The following PTPRG variants were observed in gnomAD, a reference collection of about 807,000 sequenced individuals.
PTPRG encodes the protein protein tyrosine phosphatase receptor type G.
A neutral mutation model predicts 165.3 loss-of-function variants in PTPRG; 102 were observed. The ratio of observed to expected loss-of-function variants is 0.62; its 90% confidence interval spans 0.53 to 0.73. The LOEUF (loss-of-function observed/expected upper bound fraction) is 0.73, where lower values mean the gene tolerates loss of function less well. PTPRG is among the 30% of genes least tolerant of loss of function. The probability of loss-of-function intolerance (pLI) is 0.00; values close to 1 mark genes in which losing one functional copy is unlikely to be tolerated. For missense variants in PTPRG, 1,866 were observed against 1,861.4 expected, an observed-to-expected ratio of 1.00 and a Z score of -0.05; for synonymous variants, 675 against 669.5, an observed-to-expected ratio of 1.01 and a Z score of -0.13.
intron 2 of PTPRG, among the ~76,000 whole-genome samples, chr3:61,871,128 A>ATGTTGTGTTGTGTTG (rs796152535): frequency 9.7e-5 from 12 of 123,138 alleles, no homozygotes; most frequent in East Asian, 3.2e-4. Context: ...ATGTTATGTT[A>ATGTTGTGTTGTGTTG]TGTTGTGTTG....
intron 1 of PTPRG, among the ~76,000 whole-genome samples, chr3:61,685,734 TCTTA>T (rs1451557177): frequency 6.6e-6 from 1 of 152,172 alleles, no homozygotes; most frequent in Non-Finnish European, 1.5e-5. Context: ...CCCTATTCTG[TCTTA>T]CTTCTGTCAC....
intron 25 of PTPRG, among the ~76,000 whole-genome samples, chr3:62,277,259 A>C (rs1236546925): frequency 4.6e-5 from 7 of 152,160 alleles, no homozygotes; most frequent in African/African-American, 1.7e-4. Context: ...ATGCTTCTTA[A>C]GGAATTAATT....
At chr3:62,083,607 C>T (rs1353553558) in intron 5 of PTPRG, among the ~76,000 whole-genome samples, 1 of 152,136 alleles carries the variant, frequency 6.6e-6, no homozygotes, top group Non-Finnish European at 1.5e-5. Context: ...AACTGTAATT[C>T]ACAGAACAAT....
At chr3:62,164,134 G>C (rs1454344036) in intron 7 of PTPRG, among the ~76,000 whole-genome samples, 1 of 152,208 alleles carries the variant, frequency 6.6e-6, no homozygotes. Context: ...ACACAACTTT[G>C]TCCGTATGGT....
chr3:62,029,666 C>T (rs746203560), intron 4 of PTPRG, among the ~76,000 whole-genome samples: 3 of 152,144 alleles, frequency 2.0e-5, no homozygotes, highest in African/African-American at 7.2e-5. Flanking sequence ...TTTATTCCAG[C>T]CAGTCATTTC....
In PTPRG at chr3:62,231,236, A is replaced by G; in HGVS notation, c.2300A>G (p.Lys767Arg). ...AVLVYWRGCNKIKSKGFPRRF... is the reference protein window; with the variant it reads ...AVLVYWRGCNRIKSKGFPRRF... ...TTTTGTCCATTTAGAGGGTGTAACA[A>G]AATAAAGTCCAAGGGCTTTCCCAGA... The change falls in exon 14 of 30, where the codon AAA becomes AGA. Residue 767 changes from lysine (K) to arginine (R), a missense_variant. By Grantham distance (26) the Lys-to-Arg change is conservative. Around this residue, in one of 3 missense-constraint regions of PTPRG, gnomAD observed 1,452 missense variants for 1,463.0 expected, o/e 0.99. Transcript: ENST00000474889. 1.3e-6 allele frequency: 2 copies of G among 1,577,012 alleles called. No homozygotes were observed. The highest frequency in any genetic ancestry group is 1.7e-6 in the Non-Finnish European group (2 of 1,161,774).
intron 6 of PTPRG, among the ~76,000 whole-genome samples, chr3:62,139,701 G>A (rs989522308): frequency 4.6e-5 from 7 of 152,196 alleles, no homozygotes; most frequent in Admixed American, 1.3e-4. Context: ...GCTATGACAA[G>A]ATCAAAACTT....
chr3:61,775,627 T>C (rs2034353017), intron 2 of PTPRG, among the ~76,000 whole-genome samples: 1 of 152,148 alleles, frequency 6.6e-6, no homozygotes, highest in Admixed American at 6.5e-5. Flanking sequence ...TTTGTTTCCA[T>C]GTAAAACAAA....
intron 1 of PTPRG, among the ~76,000 whole-genome samples, chr3:61,746,685 G>A (rs759321755): frequency 1.3e-5 from 2 of 152,158 alleles, no homozygotes; most frequent in African/African-American, 4.8e-5. Flanking sequence ...CTGGGGCCAC[G>A]AGAATGGTTA....
At chr3:61,928,764 C>G (rs1480090791) in intron 2 of PTPRG, among the ~76,000 whole-genome samples, 1 of 151,956 alleles carries the variant, frequency 6.6e-6, no homozygotes, top group Non-Finnish European at 1.5e-5. Context: ...AATGTCTTAT[C>G]TCTTTTCAGG....
intron 5 of PTPRG, among the ~76,000 whole-genome samples, chr3:62,112,990 T>G (rs917557368): frequency 2.6e-5 from 4 of 152,166 alleles, no homozygotes; most frequent in Admixed American, 6.5e-5. Flanking sequence ...TCCTGTTGAT[T>G]ATAGAGAATC....
At chr3:61,807,702 A>G (rs948304544) in intron 2 of PTPRG, among the ~76,000 whole-genome samples, 1 of 152,226 alleles carries the variant, frequency 6.6e-6, no homozygotes, top group African/African-American at 2.4e-5. Flanking sequence ...AAATGTGTTC[A>G]TGTAAGGGTA....
At chr3:62,191,317 TAC>T in intron 8 of PTPRG, 150 bp from the exon 9 acceptor site, 1 of 627,080 alleles carries the variant, frequency 1.6e-6, no homozygotes, top group Non-Finnish European at 2.8e-6. Context: ...CCTCTCTCTC[TAC>T]ACACACAATG....
intron 2 of PTPRG, among the ~76,000 whole-genome samples, chr3:61,965,105 G>A (rs1490440766): frequency 4.6e-5 from 7 of 151,996 alleles, no homozygotes; most frequent in Middle Eastern, 3.4e-3. Context: ...TTATCCAGAC[G>A]TGGTGGCATG....
rs577812458 is a variant in PTPRG at position 62,294,265 on chromosome 3, C to T, written c.*958C>T. The T allele has an allele frequency of 6.6e-6, 1 of 152,078 alleles. No homozygotes were observed. Among genetic ancestry groups the T allele is most frequent in the Non-Finnish European group, 1.5e-5 (1 of 68,002 alleles). The allele number at this position is 152,078 out of a possible 1,614,324, so 9.4% of individuals were successfully genotyped here. A position where few individuals can be genotyped will look rare whatever the true frequency, so the allele number is the denominator to read the frequency against. On this transcript the variant is annotated 3_prime_UTR_variant, in exon 30 of 30. Transcript: ENST00000474889. The stretch of plus-strand genomic sequence containing the variant: ...GTCCTCTAAAAATTCCCTATTACTC[C>T]TATAGCAATCTAATAAAAACTACCT...
Position 62,051,095 on chromosome 3 carries a change from T to G in PTPRG, c.520-27068T>G, listed in dbSNP as rs1377457290. 3.3e-5 allele frequency among the ~76,000 whole-genome samples: 5 copies of G among 152,198 alleles called. 1 individual carries two copies. The highest frequency in any genetic ancestry group is 2.6e-4 in the Admixed American group (4 of 15,280). ...TCTTACAGAGTACAGAAAGCCACTT[T>G]CGGGCATAAGTGAGGCATGTCTCCA... On this transcript the variant is annotated intron_variant, in intron 4 of 29. Coordinates refer to ENST00000474889, the MANE Select transcript of PTPRG (RefSeq NM_002841.4).
intron 2 of PTPRG, among the ~76,000 whole-genome samples, chr3:61,773,473 T>C (rs1005464608): frequency 3.3e-5 from 5 of 152,160 alleles, no homozygotes; most frequent in Admixed American, 1.3e-4. Flanking sequence ...GATCGATACA[T>C]GTGGCCAAAA....
At chr3:62,134,167 G>A (rs1249867122) in intron 6 of PTPRG, among the ~76,000 whole-genome samples, 1 of 152,128 alleles carries the variant, frequency 6.6e-6, no homozygotes, top group Non-Finnish European at 1.5e-5. Context: ...AGCAGAGGCT[G>A]CTACATATGG....
intron 4 of PTPRG, among the ~76,000 whole-genome samples, chr3:62,076,551 G>A (rs1701392223): frequency 6.6e-6 from 1 of 151,326 alleles, no homozygotes; most frequent in African/African-American, 2.4e-5. Context: ...GGCTTCTGGG[G>A]ATACCCAATG....
Sources: allele counts gnomAD v4.1 joint callset (sites outside exome capture counted in the v4.1 genomes callset), GRCh38; gene constraint gnomAD v4.1.1; regional missense constraint gnomAD v4.1.1; transcripts MANE v1.5; gene names NCBI Gene and HGNC (gene_info 2026-07-23, HGNC 2026-07-21).